Variants in UGT2A2 observed in about 807,000 individuals in gnomAD.
UGT2A2 encodes UDP-glucuronosyltransferase 2A2.
In UGT2A2, 60 loss-of-function variants were observed where a neutral mutation model predicts 50.7. The ratio of observed to expected loss-of-function variants is 1.18; its 90% CI spans 0.96 to 1.47. The LOEUF is 1.47. UGT2A2 is among the 40% of genes most tolerant of loss of function. UGT2A2 has a pLI of 0.00. For synonymous variants in UGT2A2, 242 were observed against 214.6 expected (o/e 1.13, Z -1.11); for missense variants, 762 against 634.0 (o/e 1.20, Z -2.17).
At chr4:69,610,950 C>T (rs1719999550) in intron 1 of UGT2A2, among the ~76,000 whole-genome samples, 1 of 152,086 alleles carries the variant, frequency 6.6e-6, no homozygotes, top group Admixed American at 6.6e-5. Flanking sequence ...TTTGTTAGTT[C>T]ACATTTCCTT....
chr4:69,613,808 G>C (rs1278031939), intron 1 of UGT2A2, among the ~76,000 whole-genome samples: 1 of 151,936 alleles, frequency 6.6e-6, no homozygotes, highest in Admixed American at 6.6e-5. Flanking sequence ...AAACAACTGA[G>C]TATAGAAGGA....
chr4:69,607,477 C>A (rs1719712508), intron 1 of UGT2A2, among the ~76,000 whole-genome samples: 1 of 151,868 alleles, frequency 6.6e-6, no homozygotes, highest in Admixed American at 6.6e-5. Flanking sequence ...TAGAAGAAAA[C>A]CTAGGCAATA....
At chr4:69,628,903 C>A (rs963778273) in intron 1 of UGT2A2, among the ~76,000 whole-genome samples, 1 of 151,710 alleles carries the variant, frequency 6.6e-6, no homozygotes, top group South Asian at 2.1e-4. Context: ...ATAGTCTACA[C>A]TGAGAGAGAT....
chr4:69,596,451 T>C, intron 2 of UGT2A2, 70 bp from the exon 3 acceptor site: 1 of 1,406,350 alleles, frequency 7.1e-7, no homozygotes, highest in Non-Finnish European at 9.4e-7. Context: ...ACTTACACAT[T>C]TAAGTAGGTA....
In UGT2A2 at chr4:69,639,417, T is replaced by A; in HGVS notation, c.224A>T (p.Asp75Val). 5.6e-6 allele frequency: 9 copies of A among 1,613,368 alleles called. No homozygotes were observed. Among genetic ancestry groups the A allele is most frequent in the Non-Finnish European group, 7.6e-6 (9 of 1,179,598 alleles). The stretch of plus-strand genomic sequence containing the variant: ...TATCACTTCAAAATTCACAGGAGAA[T>A]CGGGATTGGAGTTGATGAATAGAGT... ...SATLFINSNP[D>V]SPVNFEVIPV... The change falls in exon 1 of 6, where the codon GAT becomes GTT. Residue 75 changes from aspartate (D) to valine (V), a missense_variant. Physicochemically the swap from Asp to Val is radical, Grantham distance 152. Transcript: ENST00000604629.
At chr4:69,602,862 T>C (rs1479851957) in intron 1 of UGT2A2, among the ~76,000 whole-genome samples, 2 of 135,388 alleles carry the variant, frequency 1.5e-5, no homozygotes, top group Non-Finnish European at 3.1e-5. Context: ...GGTCAGGAGT[T>C]CAAGACCAGT....
intron 1 of UGT2A2, among the ~76,000 whole-genome samples, chr4:69,628,750 A>G (rs1721227460): frequency 6.7e-6 from 1 of 149,008 alleles, no homozygotes; most frequent in South Asian, 2.2e-4. Flanking sequence ...CTTCTACTTA[A>G]TACTAAATGT....
chr4:69,599,209 A>G (rs1719109349), intron 2 of UGT2A2, 37 bp downstream of exon 2: 2 of 1,575,100 alleles, frequency 1.3e-6, no homozygotes, highest in African/African-American at 2.8e-5. Context: ...GTATTTTATT[A>G]TGAAGAGCAT....
At chr4:69,619,471 G>A (rs974627979) in intron 1 of UGT2A2, among the ~76,000 whole-genome samples, 5 of 151,062 alleles carry the variant, frequency 3.3e-5, no homozygotes, top group African/African-American at 7.3e-5. Flanking sequence ...AAAGTAAATT[G>A]CAGTCTTACA....
At chr4:69,619,036 T>C (rs1259782064) in intron 1 of UGT2A2, among the ~76,000 whole-genome samples, 1 of 151,858 alleles carries the variant, frequency 6.6e-6, no homozygotes, top group African/African-American at 2.4e-5. Flanking sequence ...ACAATATATG[T>C]ATATACATTT....
intron 1 of UGT2A2, among the ~76,000 whole-genome samples, chr4:69,631,686 C>A (rs1252650670): frequency 6.6e-6 from 1 of 152,138 alleles, no homozygotes; most frequent in East Asian, 1.9e-4. Context: ...GGTGTGTCCA[C>A]TAATTATCCC....
At chr4:69,613,547 C>G (rs747166392) in intron 1 of UGT2A2, among the ~76,000 whole-genome samples, 1 of 151,948 alleles carries the variant, frequency 6.6e-6, no homozygotes, top group Non-Finnish European at 1.5e-5. Flanking sequence ...AGGCCAATAT[C>G]TGTGATGAAC....
intron 5 of UGT2A2, among the ~76,000 whole-genome samples, chr4:69,590,160 T>C (rs1718505955): frequency 6.6e-6 from 1 of 152,222 alleles, no homozygotes; most frequent in Non-Finnish European, 1.5e-5. Flanking sequence ...ATCTGTATGT[T>C]TGTGACGAAA....
chr4:69,628,386 A>C (rs1252613041), intron 1 of UGT2A2, among the ~76,000 whole-genome samples: 3 of 151,938 alleles, frequency 2.0e-5, no homozygotes, highest in Non-Finnish European at 4.4e-5. Context: ...GAATCCAAAC[A>C]GTATTAAAGC....
rs1179336147 is a variant in UGT2A2, at chr4:69,605,369, C to G, written c.743-5975G>C. On this transcript the variant is annotated intron_variant, in intron 1 of 5. Coordinates refer to ENST00000604629, the MANE Select transcript of UGT2A2 (RefSeq NM_001105677.2). ...GCAGAAATAAAGATGTTCTTTGAAA[C>G]TAACGACAACAAAGACACAACATAC... is the stretch of plus-strand genomic sequence containing the variant. Among the ~76,000 whole-genome samples the G allele has an allele frequency of 1.2e-4, 16 of 136,948 alleles. 4 individuals are homozygous for G. In the South Asian group the frequency reaches 3.1e-3, roughly 26 times the overall value. 89.8% of individuals were successfully genotyped at this position (136,948 alleles called of 152,430 possible).
chr4:69,618,602 G>C (rs1720554311), intron 1 of UGT2A2, among the ~76,000 whole-genome samples: 1 of 151,964 alleles, frequency 6.6e-6, no homozygotes, highest in African/African-American at 2.4e-5. Context: ...AGTACACAAA[G>C]ATTGTATATT....
chr4:69,633,579 G>A (rs2109959310), intron 1 of UGT2A2, among the ~76,000 whole-genome samples: 1 of 152,294 alleles, frequency 6.6e-6, no homozygotes, highest in South Asian at 2.1e-4. Flanking sequence ...TAAATAAAAT[G>A]TGATACATTA....
chr4:69,615,052 T>A (rs574106032), intron 1 of UGT2A2, among the ~76,000 whole-genome samples: 1 of 152,008 alleles, frequency 6.6e-6, no homozygotes, highest in African/African-American at 2.4e-5. Context: ...GAAGAGCAAG[T>A]GGAAAACCAG....
chr4:69,596,404 A>T (rs1241494399), intron 2 of UGT2A2, 23 bp from the exon 3 acceptor site: 34 of 1,536,098 alleles, frequency 2.2e-5, no homozygotes, highest in Non-Finnish European at 2.8e-5. Context: ...TATATTTTCT[A>T]TTACAAAGGT....
Sources: allele counts gnomAD v4.1 joint callset (sites outside exome capture counted in the v4.1 genomes callset), GRCh38; gene constraint gnomAD v4.1.1; transcripts MANE v1.5; gene names NCBI Gene and HGNC (gene_info 2026-07-23, HGNC 2026-07-21).